The following SPINK4 variants were observed in gnomAD, a reference collection of about 807,000 sequenced individuals.
SPINK4 encodes the protein serine peptidase inhibitor Kazal type 4, also known as serine protease inhibitor Kazal-type 4.
SPINK4 carries 10 observed loss-of-function variants against 12.3 expected under a neutral mutation model. The ratio of observed to expected loss-of-function variants is 0.81; its 90% CI spans 0.50 to 1.37. The LOEUF is 1.37. Ranked by LOEUF, SPINK4 falls within the 40% of genes most tolerant of loss-of-function variation. The probability of loss-of-function intolerance (pLI) is 0.00; values close to 1 mark genes in which losing one functional copy is unlikely to be tolerated. For missense variants in SPINK4, 91 were observed against 109.0 expected, an observed-to-expected ratio of 0.84 and a Z score of 0.73; for synonymous variants, 37 against 40.2, an observed-to-expected ratio of 0.92 and a Z score of 0.30.
chr9:33,244,408 TG>T (rs1396109294), intron 1 of SPINK4, among the ~76,000 whole-genome samples: 2 of 152,182 alleles, frequency 1.3e-5, no homozygotes, highest in African/African-American at 2.4e-5. Flanking sequence ...TGCAATTTAC[TG>T]GGGAGCGTTC....
Position 33,240,287 on chromosome 9 carries a change from G to A in SPINK4, c.61+18G>A, listed in dbSNP as rs1168110962. On this transcript the variant is annotated intron_variant, in intron 1 of 3. Transcript: ENST00000379721. Reference sequence around the variant, plus strand: ...GGACAGGGGTGAGTGGGCAGAACCTGGATTCTCTGTGGCTTTGTGTTGGTA... The same window carrying A: ...GGACAGGGGTGAGTGGGCAGAACCTAGATTCTCTGTGGCTTTGTGTTGGTA... 2 of 1,589,864 alleles carry A rather than the reference G, an allele frequency of 1.3e-6. No homozygotes were observed. The highest frequency in any genetic ancestry group is 1.7e-6 in the Non-Finnish European group (2 of 1,168,600).
intron 2 of SPINK4, 41 bp downstream of exon 2, chr9:33,245,193 G>A: frequency 6.2e-7 from 1 of 1,600,998 alleles, no homozygotes; most frequent in Non-Finnish European, 8.5e-7. Flanking sequence ...TCTCTGCTGA[G>A]AGGAGTCCTC....
At chr9:33,248,119 C>G in intron 3 of SPINK4, 2 of 369,818 alleles carry the variant, frequency 5.4e-6, no homozygotes, top group Non-Finnish European at 1.0e-5. Flanking sequence ...CCTAGGACAT[C>G]CCACTGGATA....
chr9:33,243,971 A>G (rs770622081), intron 1 of SPINK4, among the ~76,000 whole-genome samples: 9 of 152,088 alleles, frequency 5.9e-5, no homozygotes, highest in Non-Finnish European at 1.2e-4. Context: ...TCTGCTTCAT[A>G]TGGAACCCAA....
chr9:33,248,005 G>C (rs928670069), intron 3 of SPINK4: 5 of 184,262 alleles, frequency 2.7e-5, no homozygotes, highest in East Asian at 1.4e-4. Context: ...ACTGGTTTCT[G>C]ATTTGTGGGC....
intron 1 of SPINK4, among the ~76,000 whole-genome samples, chr9:33,242,245 G>A (rs745674178): frequency 2.6e-5 from 4 of 152,208 alleles, no homozygotes; most frequent in Non-Finnish European, 1.5e-5. Context: ...GGAACCCCAA[G>A]GAGCTCAGGT....
chr9:33,247,515 G>C (rs1194252351), intron 3 of SPINK4, among the ~76,000 whole-genome samples: 1 of 152,086 alleles, frequency 6.6e-6, no homozygotes, highest in African/African-American at 2.4e-5. Flanking sequence ...GGAATAAGTA[G>C]AAATTAGCTA....
chr9:33,247,696 A>C (rs1820300526), intron 3 of SPINK4: 1 of 152,350 alleles, frequency 6.6e-6, no homozygotes, highest in African/African-American at 2.4e-5. Context: ...GGGCTAGAAC[A>C]TGACCTCCCT....
chr9:33,241,803 C>T (rs996524423), intron 1 of SPINK4, among the ~76,000 whole-genome samples: 2 of 152,112 alleles, frequency 1.3e-5, no homozygotes, highest in African/African-American at 2.4e-5. Context: ...CCCCACATCC[C>T]CCAGAAAGAA....
chr9:33,246,849 C>A, intron 3 of SPINK4, 121 bp downstream of exon 3: 1 of 754,540 alleles, frequency 1.3e-6, no homozygotes, highest in Non-Finnish European at 2.3e-6. Flanking sequence ...AAGAGTCCTC[C>A]AACATATGCC....
intron 1 of SPINK4, 52 bp from the exon 2 acceptor site, chr9:33,245,060 G>C (rs1820272309): frequency 6.3e-6 from 10 of 1,596,734 alleles, no homozygotes; most frequent in Non-Finnish European, 7.7e-6. Flanking sequence ...CAGACCCCTA[G>C]ACCTGGGGTC....
At chr9:33,244,353 C>T (rs1379070192) in intron 1 of SPINK4, among the ~76,000 whole-genome samples, 7 of 152,146 alleles carry the variant, frequency 4.6e-5, no homozygotes, top group Admixed American at 3.3e-4. Flanking sequence ...TTTCGTAGTT[C>T]GTTAAACTGA....
chr9:33,240,274 G>C lies in SPINK4; in HGVS notation c.61+5G>C. 1.3e-6 allele frequency: 2 copies of C among 1,598,756 alleles called. No homozygotes were observed. The highest frequency in any genetic ancestry group is 1.1e-5 in the South Asian group (1 of 88,572). ...CCCTCCTTGTTGTGGACAGGGGTGA[G>C]TGGGCAGAACCTGGATTCTCTGTGG... On this transcript the variant is annotated splice_donor_5th_base_variant and intron_variant, in intron 1 of 3. Coordinates refer to ENST00000379721, the MANE Select transcript of SPINK4 (RefSeq NM_014471.3).
rs745715844 is a variant in SPINK4 at position 33,240,175 on chromosome 9, C to T, written c.-34C>T. On this transcript the variant is annotated 5_prime_UTR_variant, in exon 1 of 4. Transcript: ENST00000379721. ...CCCATCCTTCCTCAGGCGCAGGCCC[C>T]AGCCAGCTCAGGCTACACTATCCCA... 20 of 1,573,314 alleles carry T rather than the reference C, an allele frequency of 1.3e-5. No homozygotes were observed. Among genetic ancestry groups the T allele is most frequent in the Non-Finnish European group, 1.6e-5 (19 of 1,161,730 alleles).
chr9:33,248,329 C>A, intron 3 of SPINK4, 97 bp from the exon 4 acceptor site: 1 of 1,307,856 alleles, frequency 7.6e-7, no homozygotes, highest in Non-Finnish European at 1.1e-6. Flanking sequence ...ATGTGGGCGA[C>A]GCTCAGCAGG....
At chr9:33,245,331 C>G (rs1331694398) in intron 2 of SPINK4, among the ~76,000 whole-genome samples, 179 bp downstream of exon 2, 2 of 152,192 alleles carry the variant, frequency 1.3e-5, no homozygotes, top group African/African-American at 2.4e-5. Flanking sequence ...GCTGAGTAGG[C>G]CCAGCCCCCT....
intron 1 of SPINK4, among the ~76,000 whole-genome samples, chr9:33,244,232 G>C (rs1218069576): frequency 6.6e-6 from 1 of 152,200 alleles, no homozygotes; most frequent in Non-Finnish European, 1.5e-5. Context: ...GCCAGACCTT[G>C]AGGGGTACAC....
Position 33,248,514 on chromosome 9 carries a change from C to T in SPINK4, c.*43C>T, listed in dbSNP as rs761432128. The T allele has an allele frequency of 8.7e-6, 14 of 1,608,978 alleles. No individual in the cohort carries two copies. The South Asian group carries it at 1.4e-4, about 16-fold the overall frequency. ...AAGCCATGAAGTGTCAGCTGGAGAACAGTGGTGGGCATGGAGAGGATATGA... is the reference window on the plus strand; with the variant it reads ...AAGCCATGAAGTGTCAGCTGGAGAATAGTGGTGGGCATGGAGAGGATATGA... On this transcript the variant is annotated 3_prime_UTR_variant, in exon 4 of 4. Transcript: ENST00000379721.
intron 3 of SPINK4, 192 bp from the exon 4 acceptor site, chr9:33,248,234 A>C: frequency 1.7e-6 from 1 of 585,156 alleles, no homozygotes; most frequent in East Asian, 2.8e-5. Context: ...AAAATCCCCC[A>C]GGGGAAGGGT....
Sources: gnomAD v4.1 joint callset for allele counts (sites outside exome capture counted in the v4.1 genomes callset) on GRCh38, gnomAD v4.1.1 for gene constraint, MANE v1.5 for transcripts, NCBI Gene and HGNC (gene_info 2026-07-23, HGNC 2026-07-21) for gene names.